The following PALD1 variants were observed in gnomAD, a reference collection of about 807,000 sequenced individuals.
The protein encoded by PALD1 is phosphatase domain containing paladin 1.
Under a neutral mutation model 96.0 loss-of-function variants are expected in PALD1, and 57 were observed. That is an observed-to-expected ratio of 0.59 (90% CI 0.48 to 0.74). The LOEUF (loss-of-function observed/expected upper bound fraction) is 0.74. Ranked by LOEUF, PALD1 falls within the 30% of genes least tolerant of loss-of-function variation. The pLI, the probability that PALD1 is intolerant of heterozygous loss-of-function variation, is 0.00. For synonymous variants in PALD1, 464 were observed against 473.6 expected (o/e 0.98, Z 0.26); for missense variants, 1,063 against 1,143.7 (o/e 0.93, Z 1.02).
chr10:70,545,549 C>T (rs1303847071), intron 17 of PALD1, among the ~76,000 whole-genome samples: 2 of 152,018 alleles, frequency 1.3e-5, no homozygotes, highest in Admixed American at 6.5e-5. Flanking sequence ...GTAACCTAAA[C>T]AGGCTTCAGT....
At chr10:70,495,320 C>T (rs1304790436) in intron 1 of PALD1, among the ~76,000 whole-genome samples, 1 of 152,176 alleles carries the variant, frequency 6.6e-6, no homozygotes, top group African/African-American at 2.4e-5. Context: ...AATCGTGTTC[C>T]CTGGTGGACT....
At chr10:70,551,842 C>T (rs1021761391) in intron 18 of PALD1, among the ~76,000 whole-genome samples, 1 of 152,136 alleles carries the variant, frequency 6.6e-6, no homozygotes, top group African/African-American at 2.4e-5. Flanking sequence ...CCTGAGGTTG[C>T]ACAGCAAGAA....
chr10:70,555,890 A>C (rs1847599512), intron 18 of PALD1, among the ~76,000 whole-genome samples: 1 of 152,088 alleles, frequency 6.6e-6, no homozygotes, highest in African/African-American at 2.4e-5. Context: ...AGTCCCAGCT[A>C]CTTGGGAGGC....
the PALD1 span, among the ~76,000 whole-genome samples, chr10:70,465,159 A>G: frequency 6.6e-6 from 1 of 151,650 alleles, no homozygotes; most frequent in Non-Finnish European, 1.5e-5. Flanking sequence ...TATTTTTAGT[A>G]AAGGCGGGGT....
intron 19 of PALD1, among the ~76,000 whole-genome samples, chr10:70,565,760 C>T (rs1427704279): frequency 6.6e-6 from 1 of 152,130 alleles, no homozygotes; most frequent in East Asian, 1.9e-4. Context: ...CTGGGCTCAG[C>T]TTCCTCTGCG....
At position 70,508,823 on chromosome 10, in the gene PALD1, G is replaced by A. The variant is rs1467082815; in HGVS notation, c.-29-17100G>A. Among the ~76,000 whole-genome samples the A allele has an allele frequency of 1.8e-4, 11 of 60,394 alleles. No individual in the cohort carries two copies. In the East Asian group the frequency reaches 2.7e-3, roughly 15 times the overall value. The allele number at this position is 60,394 out of a possible 152,430, so 39.6% of individuals were successfully genotyped here. A position where few individuals can be genotyped will look rare whatever the true frequency, so the allele number is the denominator to read the frequency against. On this transcript the variant is annotated intron_variant, in intron 1 of 19. Coordinates refer to ENST00000263563, the MANE Select transcript of PALD1 (RefSeq NM_014431.3). The stretch of plus-strand genomic sequence containing the variant: ...TGTGTGTGTGTGTGTGTGTGTGCAG[G>A]CCTGTGGGAGCTGCGGAACCTGTGT...
chr10:70,527,672 G>C (rs1367756176), intron 2 of PALD1, among the ~76,000 whole-genome samples: 4 of 152,218 alleles, frequency 2.6e-5, no homozygotes, highest in Non-Finnish European at 4.4e-5. Flanking sequence ...GGGAGGTAGA[G>C]AGATTTGCTC....
At chr10:70,537,990 A>G in intron 11 of PALD1, 84 bp downstream of exon 11, 2 of 1,053,448 alleles carry the variant, frequency 1.9e-6, no homozygotes, top group Non-Finnish European at 2.9e-6. Context: ...CTTGCTGTGG[A>G]GGGAGACCCC....
chr10:70,541,416 C>T (rs1847243847), intron 16 of PALD1, 47 bp from the exon 17 acceptor site: 6 of 1,587,408 alleles, frequency 3.8e-6, no homozygotes, highest in East Asian at 2.2e-5. Flanking sequence ...GCAAGGGGCT[C>T]CTGGCGTTGG....
chr10:70,481,844 A>T (rs2132253641), intron 1 of PALD1, among the ~76,000 whole-genome samples: 2 of 152,350 alleles, frequency 1.3e-5, no homozygotes, highest in East Asian at 3.9e-4. Context: ...CCAACCTGGC[A>T]CCTGAGAGAC....
rs78371249 is a variant in PALD1, at chr10:70,562,833, G to C, written c.2263-1531G>C. Among the ~76,000 whole-genome samples, 964 of 152,242 alleles carry C rather than the reference G, an allele frequency of 6.3e-3. 9 individuals carry two copies. The highest frequency in any genetic ancestry group is 0.022 in the African/African-American group (928 of 41,518). ...GGTGGGCAGGGTGCCCTGTAGGAGA[G>C]CCTGGCTGTGCATGTCCTGGGCCTT... On this transcript the variant is annotated intron_variant, in intron 18 of 19. Transcript: ENST00000263563.
intron 18 of PALD1, among the ~76,000 whole-genome samples, chr10:70,553,851 G>A (rs1003934841): frequency 8.5e-5 from 13 of 152,324 alleles, no homozygotes; most frequent in African/African-American, 2.6e-4. Context: ...TGAGGAAGTC[G>A]CAGACTGACC....
chr10:70,514,254 G>A (rs1242366534), intron 1 of PALD1, among the ~76,000 whole-genome samples: 1 of 152,232 alleles, frequency 6.6e-6, no homozygotes, highest in African/African-American at 2.4e-5. Flanking sequence ...AGGCTCCCCA[G>A]GGATTGCAGG....
chr10:70,497,968 A>G (rs915374682), intron 1 of PALD1, among the ~76,000 whole-genome samples: 1 of 152,198 alleles, frequency 6.6e-6, no homozygotes, highest in Non-Finnish European at 1.5e-5. Flanking sequence ...TTAAAATTGT[A>G]TAATTTAATG....
At chr10:70,561,456 C>T (rs1003917021) in intron 18 of PALD1, among the ~76,000 whole-genome samples, 3 of 152,292 alleles carry the variant, frequency 2.0e-5, no homozygotes, top group African/African-American at 7.2e-5. Flanking sequence ...TGGAGAGCGG[C>T]CAGTTGCATT....
intron 1 of PALD1, among the ~76,000 whole-genome samples, chr10:70,507,702 G>A (rs914838373): frequency 3.9e-5 from 6 of 151,924 alleles, no homozygotes; most frequent in Admixed American, 1.3e-4. Context: ...GACCATAGGT[G>A]CATACCACCA....
chr10:70,477,701 C>T (rs1276784427), upstream of PALD1, among the ~76,000 whole-genome samples: 1 of 152,178 alleles, frequency 6.6e-6, no homozygotes, highest in African/African-American at 2.4e-5. Context: ...GAATGTGTTC[C>T]CCTCTCCCAG....
chr10:70,534,146 G>C, intron 8 of PALD1, 73 bp downstream of exon 8: 1 of 1,435,532 alleles, frequency 7.0e-7, no homozygotes, highest in Non-Finnish European at 9.2e-7. Flanking sequence ...CACAGTGTGG[G>C]GACATGTCTA....
At chr10:70,548,598 G>A (rs1049958126) in intron 18 of PALD1, among the ~76,000 whole-genome samples, 2 of 152,090 alleles carry the variant, frequency 1.3e-5, no homozygotes, top group Admixed American at 1.3e-4. Context: ...GTGGGTAGGG[G>A]GTGAGGATTC....
Sources: allele counts gnomAD v4.1 joint callset (sites outside exome capture counted in the v4.1 genomes callset), GRCh38; gene constraint gnomAD v4.1.1; transcripts MANE v1.5; gene names NCBI Gene and HGNC (gene_info 2026-07-23, HGNC 2026-07-21).